BCKDHB: variants seen among roughly 807,000 people sequenced by gnomAD.
BCKDHB encodes the protein branched chain keto acid dehydrogenase E1 subunit beta.
Under a neutral mutation model 48.5 loss-of-function variants are expected in BCKDHB, and 41 were observed. That is an observed-to-expected ratio of 0.85 (90% CI 0.66 to 1.10). The LOEUF is 1.10. Among genes scored for constraint, BCKDHB ranks in the 50% least tolerant of loss-of-function variants. BCKDHB has a pLI of 0.00. For synonymous variants in BCKDHB, 201 were observed against 174.8 expected (o/e 1.15, Z -1.18); for missense variants, 496 against 494.2 (o/e 1.00, Z -0.03).
intron 8 of BCKDHB, among the ~76,000 whole-genome samples, chr6:80,217,623 C>T (rs1029722239): frequency 6.6e-6 from 1 of 152,148 alleles, no homozygotes; most frequent in African/African-American, 2.4e-5. Context: ...ATCTTCCTTC[C>T]CTGCCCCTAC....
intron 9 of BCKDHB, among the ~76,000 whole-genome samples, chr6:80,286,720 C>A (rs1272404714): frequency 6.6e-6 from 1 of 152,076 alleles, no homozygotes; most frequent in African/African-American, 2.4e-5. Flanking sequence ...ATGAAACCAG[C>A]AGTACAGCAT....
At chr6:80,115,317 T>C (rs1041204040) in intron 1 of BCKDHB, among the ~76,000 whole-genome samples, 1 of 152,170 alleles carries the variant, frequency 6.6e-6, no homozygotes, top group Admixed American at 6.5e-5. Flanking sequence ...CTGGCCCATT[T>C]ACATTTTAAT....
the BCKDHB span, among the ~76,000 whole-genome samples, chr6:80,401,641 A>T: frequency 6.6e-6 from 1 of 151,678 alleles, no homozygotes; most frequent in East Asian, 1.9e-4. Context: ...ACAACATGGT[A>T]TTCTTAGCTA....
chr6:80,195,854 G>A (rs1774106519), intron 6 of BCKDHB, among the ~76,000 whole-genome samples: 1 of 152,146 alleles, frequency 6.6e-6, no homozygotes, highest in African/African-American at 2.4e-5. Flanking sequence ...TCTCAGGTAT[G>A]GAGACTTCAA....
intron 9 of BCKDHB, among the ~76,000 whole-genome samples, chr6:80,342,929 G>A (rs1277479840): frequency 6.6e-6 from 1 of 152,160 alleles, no homozygotes; most frequent in African/African-American, 2.4e-5. Context: ...GTCTCTCATG[G>A]AAGACAGATA....
the BCKDHB span, among the ~76,000 whole-genome samples, chr6:80,359,289 T>C: frequency 0.56 from 85,423 of 151,986 alleles, 24,203 homozygotes; most frequent in South Asian, 0.67. Flanking sequence ...AGGGAATCTT[T>C]GGGCTCTCTT....
chr6:80,123,829 T>C (rs886203928), intron 1 of BCKDHB, among the ~76,000 whole-genome samples: 2 of 152,202 alleles, frequency 1.3e-5, no homozygotes, highest in African/African-American at 4.8e-5. Flanking sequence ...TTTGTTGATC[T>C]TTTCAAAAAA....
chr6:80,235,842 C>A (rs796306860), intron 8 of BCKDHB, among the ~76,000 whole-genome samples: 6 of 152,304 alleles, frequency 3.9e-5, no homozygotes, highest in African/African-American at 1.4e-4. Context: ...GTCAGCTTGA[C>A]TGAGCAGTGA....
chr6:80,169,142 ATTT>A (rs1429270508), intron 5 of BCKDHB, 112 bp downstream of exon 5: 3 of 1,392,400 alleles, frequency 2.2e-6, no homozygotes, highest in East Asian at 2.3e-5. Flanking sequence ...GATTCTTGGA[ATTT>A]ATGTGAACTT....
intron 8 of BCKDHB, among the ~76,000 whole-genome samples, chr6:80,210,691 C>A (rs1364409984): frequency 6.6e-6 from 1 of 152,106 alleles, no homozygotes; most frequent in East Asian, 1.9e-4. Context: ...GCCTTGGTGT[C>A]CTTAGCCAGG....
At chr6:80,382,526 A>T in the BCKDHB span, among the ~76,000 whole-genome samples, 1 of 152,152 alleles carries the variant, frequency 6.6e-6, no homozygotes, top group African/African-American at 2.4e-5. Flanking sequence ...TTGGGTTTGC[A>T]TTGGACCTCC....
Position 80,151,824 on chromosome 6 carries a change from G to C in BCKDHB, c.344-15854G>C, listed in dbSNP as rs144111940. Among the ~76,000 whole-genome samples the C allele has an allele frequency of 1.7e-3, 261 of 152,296 alleles. 1 individual carries two copies. The highest frequency in any genetic ancestry group is 6.0e-3 in the African/African-American group (250 of 41,572). On this transcript the variant is annotated intron_variant, in intron 3 of 9. Coordinates refer to ENST00000320393, the MANE Select transcript of BCKDHB (RefSeq NM_183050.4). ...CTAGGCAGGTTAATTGAAATTGACAGCTTGGTAATGTCCTCCTTGGTGAAT... is the reference window on the plus strand; with the variant it reads ...CTAGGCAGGTTAATTGAAATTGACACCTTGGTAATGTCCTCCTTGGTGAAT...
chr6:80,107,032 C>T, intron 1 of BCKDHB, 143 bp downstream of exon 1: 1 of 1,064,584 alleles, frequency 9.4e-7, no homozygotes. Flanking sequence ...CTCCTTGCCT[C>T]AGGGTCTAAC....
chr6:80,388,063 C>A, the BCKDHB span, among the ~76,000 whole-genome samples: 2 of 152,188 alleles, frequency 1.3e-5, no homozygotes, highest in Non-Finnish European at 2.9e-5. Flanking sequence ...CCTCTTACAA[C>A]CAAGAGAGAG....
At chr6:80,391,396 A>G in the BCKDHB span, among the ~76,000 whole-genome samples, 1 of 152,200 alleles carries the variant, frequency 6.6e-6, no homozygotes, top group Admixed American at 6.5e-5. Context: ...AAATGCAGTC[A>G]TGCAAGAGAG....
the BCKDHB span, among the ~76,000 whole-genome samples, chr6:80,413,851 T>C: frequency 6.6e-6 from 1 of 152,180 alleles, no homozygotes; most frequent in East Asian, 1.9e-4. Context: ...GAATTTCTGT[T>C]TTTATGTCTT....
chr6:80,430,349 G>A, the BCKDHB span, among the ~76,000 whole-genome samples: 3 of 152,112 alleles, frequency 2.0e-5, no homozygotes, highest in Non-Finnish European at 4.4e-5. Flanking sequence ...TGTCTGCCAG[G>A]CTTGGTATCA....
rs1770492514 is a variant in BCKDHB, at chr6:80,129,108, GTAT to G, written c.275-48_275-46del. On this transcript the variant is annotated intron_variant, in intron 2 of 9. Transcript: ENST00000320393. ...TTAAATTACTTATTTCTCATTGTTA[GTAT>G]TATTTAGAGATTATTAAATAAAATG... is the stretch of plus-strand genomic sequence containing the variant. The G allele has an allele frequency of 6.4e-6, 8 of 1,241,546 alleles. No individual in the cohort carries two copies. In the South Asian group the frequency reaches 1.0e-4, roughly 16 times the overall value. 76.9% of individuals were successfully genotyped at this position (1,241,546 alleles called of 1,614,324 possible).
At chr6:80,312,939 CAT>C (rs112992480) in intron 9 of BCKDHB, among the ~76,000 whole-genome samples, 6,686 of 152,152 alleles carry the variant, frequency 0.044, 484 homozygotes, top group African/African-American at 0.15. Flanking sequence ...ATGCTGGCCT[CAT>C]AGAATGAGTT....
Sources: allele counts gnomAD v4.1 joint callset (sites outside exome capture counted in the v4.1 genomes callset), GRCh38; gene constraint gnomAD v4.1.1; transcripts MANE v1.5; gene names NCBI Gene and HGNC (gene_info 2026-07-23, HGNC 2026-07-21).